RANGAP1: variants seen among roughly 807,000 people sequenced by gnomAD.
RANGAP1 encodes Ran GTPase activating protein 1.
A neutral mutation model predicts 63.5 loss-of-function variants in RANGAP1; 38 were observed. The ratio of observed to expected loss-of-function variants is 0.60; its 90% CI spans 0.46 to 0.78. The LOEUF (loss-of-function observed/expected upper bound fraction) is 0.78. RANGAP1 is among the 30% of genes least tolerant of loss of function. The pLI is 0.00. For missense variants in RANGAP1, 630 were observed against 740.3 expected, an observed-to-expected ratio of 0.85 and a Z score of 1.73; for synonymous variants, 329 against 310.5, an observed-to-expected ratio of 1.06 and a Z score of -0.63.
At position 41,268,082 on chromosome 22, in the gene RANGAP1, G is replaced by A. The variant is rs763671049; in HGVS notation, c.300+15C>T. ...GGCCTTGCGCGTGGAGGGGAAGAGC[G>A]GCTAGTTCGCTTACCAGGGCTGGTG... On this transcript the variant is annotated intron_variant, in intron 4 of 15. Transcript: ENST00000356244. 2.3e-5 allele frequency: 35 copies of A among 1,533,188 alleles called. No individual in the cohort carries two copies. Among genetic ancestry groups the A allele is most frequent in the East Asian group, 2.4e-5 (1 of 41,374 alleles). The allele number at this position is 1,533,188 out of a possible 1,614,324, so 95.0% of individuals were successfully genotyped here. A position where few individuals can be genotyped will look rare whatever the true frequency, so the allele number is the denominator to read the frequency against.
the RANGAP1 span, among the ~76,000 whole-genome samples, chr22:41,293,448 C>A: frequency 6.6e-6 from 1 of 151,804 alleles, no homozygotes; most frequent in African/African-American, 2.4e-5. Context: ...TGAAAACTGT[C>A]AATAATCTGT....
At chr22:41,292,882 T>C in the RANGAP1 span, among the ~76,000 whole-genome samples, 3 of 152,074 alleles carry the variant, frequency 2.0e-5, no homozygotes, top group Non-Finnish European at 4.4e-5. Flanking sequence ...GGTGTGAGGA[T>C]TGCTTGAGCC....
chr22:41,294,918 C>CGGGA, the RANGAP1 span, among the ~76,000 whole-genome samples: 1 of 97,012 alleles, frequency 1.0e-5, no homozygotes, highest in Non-Finnish European at 2.1e-5. Flanking sequence ...CCGCCCCATC[C>CGGGA]GGGAGGGAGG....
At chr22:41,274,936 T>C (rs1270300271) in intron 2 of RANGAP1, among the ~76,000 whole-genome samples, 2 of 151,840 alleles carry the variant, frequency 1.3e-5, no homozygotes, top group East Asian at 1.9e-4. Context: ...AAACCAGGCA[T>C]GTAGAGAGGC....
In RANGAP1 at chr22:41,280,945, T is replaced by C; in HGVS notation, c.100A>G (p.Thr34Ala). ...SFKGKSLKLN[T>A]AEDAKDVIKE... Reference sequence around the variant, plus strand: ...TCCAGAAACTCACCATCTTCTGCAGTGTTGAGTTTGAGGCTCTTGCCTTTG... The same window carrying C: ...TCCAGAAACTCACCATCTTCTGCAGCGTTGAGTTTGAGGCTCTTGCCTTTG... The change falls in exon 2 of 16, where the codon ACT becomes GCT. Residue 34 changes from threonine to alanine, a missense_variant. Physicochemically the swap from Thr to Ala is moderately conservative, Grantham distance 58. This residue lies in a region of RANGAP1 where 65 missense variants were observed against 60.5 expected (regional missense o/e 1.07). Coordinates refer to ENST00000356244, the MANE Select transcript of RANGAP1 (RefSeq NM_002883.4). 2 of 1,613,846 alleles carry C rather than the reference T, an allele frequency of 1.2e-6. No homozygotes were observed. The highest frequency in any genetic ancestry group is 1.7e-6 in the Non-Finnish European group (2 of 1,179,988).
intron 1 of RANGAP1, among the ~76,000 whole-genome samples, chr22:41,284,701 G>A (rs2035668311): frequency 6.6e-6 from 1 of 152,138 alleles, no homozygotes; most frequent in Admixed American, 6.5e-5. Context: ...CCGAAACCCT[G>A]TCTCCACTAA....
rs1318261389 is a variant in RANGAP1 at position 41,249,604 on chromosome 22, T to C, written c.1572+125A>G. The C allele has an allele frequency of 1.5e-5, 23 of 1,528,126 alleles. No individual in the cohort carries two copies. The Admixed American group carries it at 4.0e-4, about 26-fold the overall frequency. The allele number at this position is 1,528,126 out of a possible 1,614,324, so 94.7% of individuals were successfully genotyped here. ...AAGGCTGCTGGGGCAGACCCAGGCC[T>C]CGGGGCCCCGTGGGCGAGCCGGCTC... is the stretch of plus-strand genomic sequence containing the variant. On this transcript the variant is annotated intron_variant, in intron 14 of 15. Transcript: ENST00000356244.
chr22:41,294,243 G>A, the RANGAP1 span, among the ~76,000 whole-genome samples: 6 of 152,242 alleles, frequency 3.9e-5, no homozygotes, highest in Admixed American at 2.0e-4. Flanking sequence ...TGGTGGAGAC[G>A]GGGTTTCGCT....
chr22:41,277,608 T>C (rs2035234970), intron 2 of RANGAP1: 3 of 775,688 alleles, frequency 3.9e-6, no homozygotes, highest in Non-Finnish European at 5.2e-6. Flanking sequence ...AGAAAGGACT[T>C]ATAACCTAGC....
intron 1 of RANGAP1, 27 bp from the exon 2 acceptor site, chr22:41,281,109 A>AAAAGGAGT (rs2035469431): frequency 5.3e-6 from 8 of 1,516,600 alleles, no homozygotes; most frequent in African/African-American, 1.4e-5. Context: ...TGCAGTAAGA[A>AAAAGGAGT]AAAGGAGTCT....
chr22:41,264,222 T>C (rs996449052), intron 5 of RANGAP1, among the ~76,000 whole-genome samples: 23 of 152,192 alleles, frequency 1.5e-4, no homozygotes, highest in African/African-American at 5.5e-4. Flanking sequence ...AGCTCTACAC[T>C]GACCTTGCCT....
intron 4 of RANGAP1, among the ~76,000 whole-genome samples, chr22:41,265,479 G>A (rs200089541): frequency 1.3e-5 from 2 of 152,204 alleles, no homozygotes; most frequent in African/African-American, 4.8e-5. Context: ...TGTGGGAGAG[G>A]AGCTGCCTGT....
intron 13 of RANGAP1, among the ~76,000 whole-genome samples, chr22:41,250,631 G>C (rs1321779652): frequency 6.6e-6 from 1 of 152,180 alleles, no homozygotes; most frequent in Non-Finnish European, 1.5e-5. Context: ...GGAACCTCCA[G>C]GTAGAGTGGA....
intron 1 of RANGAP1, 43 bp from the exon 2 acceptor site, chr22:41,281,125 G>T: frequency 6.7e-7 from 1 of 1,497,296 alleles, no homozygotes; most frequent in South Asian, 1.4e-5. Flanking sequence ...AGTCTCCTGG[G>T]GCCCCTGGTT....
intron 12 of RANGAP1, 23 bp from the exon 13 acceptor site, chr22:41,251,132 T>C: frequency 1.2e-6 from 2 of 1,604,046 alleles, no homozygotes; most frequent in South Asian, 1.1e-5. Flanking sequence ...GAGACAATGG[T>C]TGGCCTGTGG....
At chr22:41,258,164 G>A in intron 6 of RANGAP1, 58 bp from the exon 7 acceptor site, 1 of 1,534,076 alleles carries the variant, frequency 6.5e-7, no homozygotes. Flanking sequence ...CATCCAGCAG[G>A]CAGGAGAGCA....
chr22:41,294,628 A>G, the RANGAP1 span, among the ~76,000 whole-genome samples: 1 of 138,022 alleles, frequency 7.2e-6, no homozygotes, highest in African/African-American at 2.8e-5. Flanking sequence ...CCCGGCCGCC[A>G]TCCCATCTGG....
the RANGAP1 span, among the ~76,000 whole-genome samples, chr22:41,291,746 A>G: frequency 1.8e-4 from 27 of 151,126 alleles, no homozygotes; most frequent in African/African-American, 6.6e-4. Flanking sequence ...AAAAAATACA[A>G]AAAAATTAGC....
At chr22:41,263,486 G>T (rs1055316567) in intron 5 of RANGAP1, among the ~76,000 whole-genome samples, 3 of 152,188 alleles carry the variant, frequency 2.0e-5, no homozygotes, top group Admixed American at 6.5e-5. Flanking sequence ...CCGGGTTCGA[G>T]CAATTCTCCT....
Sources: allele counts gnomAD v4.1 joint callset (sites outside exome capture counted in the v4.1 genomes callset), GRCh38; gene constraint gnomAD v4.1.1; regional missense constraint gnomAD v4.1.1; transcripts MANE v1.5; gene names NCBI Gene and HGNC (gene_info 2026-07-23, HGNC 2026-07-21).